GTF2A1L: variants seen among roughly 807,000 people sequenced by gnomAD.
The protein encoded by GTF2A1L is general transcription factor IIA subunit 1 like.
A neutral mutation model predicts 49.7 loss-of-function variants in GTF2A1L; 48 were observed. The observed-to-expected ratio is 0.97, with a 90% confidence interval of 0.77 to 1.23. GTF2A1L has a LOEUF of 1.23. Ranked by LOEUF, GTF2A1L falls within the 50% of genes most tolerant of loss-of-function variation. The probability of loss-of-function intolerance (pLI) is 0.00; values close to 1 mark genes in which losing one functional copy is unlikely to be tolerated. For missense variants in GTF2A1L, 736 were observed against 564.8 expected (o/e 1.30, Z -3.07); for synonymous variants, 246 against 193.5 (o/e 1.27, Z -2.25).
intron 5 of GTF2A1L, among the ~76,000 whole-genome samples, chr2:48,645,358 G>A (rs546857102): frequency 9.9e-5 from 15 of 152,142 alleles, no homozygotes; most frequent in Middle Eastern, 3.4e-3. Flanking sequence ...ATTGTATAGG[G>A]GTTCTTTGTA....
chr2:48,667,453 T>A (rs1204426862), intron 6 of GTF2A1L, among the ~76,000 whole-genome samples: 2 of 152,222 alleles, frequency 1.3e-5, no homozygotes, highest in African/African-American at 2.4e-5. Context: ...CCAGCTTTTG[T>A]TCATTGTTAG....
At chr2:48,631,405 T>A (rs900075027) in intron 3 of GTF2A1L, among the ~76,000 whole-genome samples, 6 of 152,226 alleles carry the variant, frequency 3.9e-5, no homozygotes, top group African/African-American at 7.2e-5. Context: ...TTCTAGTTTG[T>A]GTATGTAGAG....
intron 3 of GTF2A1L, among the ~76,000 whole-genome samples, chr2:48,630,810 CTTT>C (rs78554220): frequency 4.8e-5 from 5 of 104,504 alleles, no homozygotes; most frequent in Non-Finnish European, 7.2e-5. Context: ...GAGGGTTTTT[CTTT>C]TATCATGAAG....
rs552515883 is a variant in GTF2A1L, at chr2:48,657,413, T to C, written c.978+10371T>C. 7.2e-5 allele frequency among the ~76,000 whole-genome samples: 11 copies of C among 152,326 alleles called. No individual in the cohort carries two copies. In the South Asian group the frequency reaches 2.3e-3, roughly 32 times the overall value. The stretch of plus-strand genomic sequence containing the variant: ...GGATGATGGCCTTCGGCAGTATGCA[T>C]GTTGCTGCAAAGAACATGATTTCTT... On this transcript the variant is annotated intron_variant, in intron 6 of 8. Transcript: ENST00000403751.
intron 3 of GTF2A1L, among the ~76,000 whole-genome samples, chr2:48,627,084 A>G (rs1676332610): frequency 7.0e-6 from 1 of 143,314 alleles, no homozygotes. Context: ...GAGGTTTTTA[A>G]TTACTACCTC....
intron 3 of GTF2A1L, among the ~76,000 whole-genome samples, chr2:48,638,603 C>T (rs1056277193): frequency 2.0e-5 from 3 of 152,126 alleles, no homozygotes; most frequent in African/African-American, 7.2e-5. Context: ...CTATGACAAA[C>T]CTACAGCCAA....
Position 48,646,651 on chromosome 2 carries a change from A to G in GTF2A1L, c.587A>G (p.Gln196Arg). The G allele has an allele frequency of 6.2e-7, 1 of 1,614,200 alleles. No individual in the cohort carries two copies. ...CAGAGAATTGAAACCGTGCTACAGC[A>G]ACCCGCAATTCTACCTTCTGGGCCA... is the stretch of plus-strand genomic sequence containing the variant. ...KSQRIETVLQ[Q>R]PAILPSGPVD... Residue 196 changes from glutamine (Q) to arginine (R), a missense_variant, in exon 6 of 9, where the codon CAA (glutamine) becomes CGA (arginine). Transcript: ENST00000403751.
intron 3 of GTF2A1L, among the ~76,000 whole-genome samples, chr2:48,631,163 C>G (rs575960893): frequency 6.6e-6 from 1 of 152,092 alleles, no homozygotes. Flanking sequence ...CCCTTCTCCT[C>G]AACATTTTGG....
intron 6 of GTF2A1L, chr2:48,668,750 CTG>C (rs1254055503): frequency 6.6e-6 from 1 of 152,060 alleles, no homozygotes; most frequent in African/African-American, 2.4e-5. Flanking sequence ...CGGGAGAATG[CTG>C]TGAACCCGGG....
intron 5 of GTF2A1L, among the ~76,000 whole-genome samples, chr2:48,645,415 A>C (rs1225404687): frequency 6.6e-6 from 1 of 152,202 alleles, no homozygotes; most frequent in East Asian, 1.9e-4. Flanking sequence ...TAACAAATAC[A>C]AAATAAAATA....
At chr2:48,619,480 A>AAAT (rs1553371091) in intron 1 of GTF2A1L, among the ~76,000 whole-genome samples, 11 of 150,200 alleles carry the variant, frequency 7.3e-5, no homozygotes, top group East Asian at 3.9e-4. Context: ...AAAAAAAAAA[A>AAAT]AATAATAATA....
Position 48,634,780 on chromosome 2 carries a change from G to T in GTF2A1L, c.248-7622G>T, listed in dbSNP as rs115101912. The stretch of plus-strand genomic sequence containing the variant: ...GAGAAGTCTGCTTTTAGCCTAAAGG[G>T]TTTCCTTTTGTACAGGATCTGACCT... On this transcript the variant is annotated intron_variant, in intron 3 of 8. Transcript: ENST00000403751. Among the ~76,000 whole-genome samples, 1,131 of 152,240 alleles carry T rather than the reference G, an allele frequency of 7.4e-3. 12 individuals carry two copies. The highest frequency in any genetic ancestry group is 0.026 in the African/African-American group (1,081 of 41,522).
intron 6 of GTF2A1L, among the ~76,000 whole-genome samples, chr2:48,657,746 C>G (rs1486961362): frequency 7.2e-6 from 1 of 138,002 alleles, no homozygotes; most frequent in Middle Eastern, 3.3e-3. Flanking sequence ...TCCTCTGCAG[C>G]CTTGCTGGAA....
chr2:48,624,498 G>A (rs1676196056), intron 3 of GTF2A1L, among the ~76,000 whole-genome samples: 1 of 142,616 alleles, frequency 7.0e-6, no homozygotes, highest in Non-Finnish European at 1.6e-5. Flanking sequence ...TGAAGAGGTT[G>A]GTATAGTCTA....
At chr2:48,657,535 G>T (rs1302722590) in intron 6 of GTF2A1L, among the ~76,000 whole-genome samples, 1 of 152,134 alleles carries the variant, frequency 6.6e-6, no homozygotes, top group Non-Finnish European at 1.5e-5. Flanking sequence ...CCATGTCTTT[G>T]CTATTGTGAA....
intron 6 of GTF2A1L, among the ~76,000 whole-genome samples, chr2:48,665,672 G>T (rs1429593468): frequency 6.6e-6 from 1 of 151,982 alleles, no homozygotes; most frequent in African/African-American, 2.4e-5. Context: ...TTCTTTTGTG[G>T]TCAGAGAATA....
chr2:48,676,488 GT>G (rs1299771355), intron 8 of GTF2A1L, among the ~76,000 whole-genome samples: 1 of 151,708 alleles, frequency 6.6e-6, no homozygotes, highest in Non-Finnish European at 1.5e-5. Context: ...CTTTCCATAT[GT>G]TAAAGGGCCT....
intron 6 of GTF2A1L, among the ~76,000 whole-genome samples, chr2:48,662,652 CTTT>C (rs35260466): frequency 9.0e-4 from 119 of 132,356 alleles, no homozygotes; most frequent in South Asian, 1.7e-3. Flanking sequence ...CTTGGTTGAT[CTTT>C]TTTTTTTTTT....
At chr2:48,669,044 C>G (rs1236828304) in intron 6 of GTF2A1L, among the ~76,000 whole-genome samples, 1 of 151,936 alleles carries the variant, frequency 6.6e-6, no homozygotes, top group Non-Finnish European at 1.5e-5. Flanking sequence ...TAAAAATTTG[C>G]CATTTTACCC....
Sources: gnomAD v4.1 joint callset for allele counts (sites outside exome capture counted in the v4.1 genomes callset) on GRCh38, gnomAD v4.1.1 for gene constraint, MANE v1.5 for transcripts, NCBI Gene and HGNC (gene_info 2026-07-23, HGNC 2026-07-21) for gene names.